RASSF2: variants seen among roughly 807,000 people sequenced by gnomAD.
RASSF2 encodes Ras association domain family member 2.
RASSF2 carries 34 observed loss-of-function variants against 46.3 expected under a neutral mutation model. That is an observed-to-expected ratio of 0.73 (90% CI 0.56 to 0.98). The LOEUF is 0.98. RASSF2 is among the 50% of genes least tolerant of loss of function. The pLI, the probability that RASSF2 is intolerant of heterozygous loss-of-function variation, is 0.00. For synonymous variants in RASSF2, 158 were observed against 162.5 expected (o/e 0.97, Z 0.21); for missense variants, 364 against 431.2 (o/e 0.84, Z 1.38).
At chr20:4,784,473 TC>T in intron 11 of RASSF2, 131 bp from the exon 12 acceptor site, 1 of 735,992 alleles carries the variant, frequency 1.4e-6, no homozygotes, top group Admixed American at 2.3e-5. Context: ...CTCCTTTGCT[TC>T]CATTACTGAC....
chr20:4,822,621 C>A (rs1289202355), intron 1 of RASSF2, among the ~76,000 whole-genome samples: 1 of 152,252 alleles, frequency 6.6e-6, no homozygotes, highest in Non-Finnish European at 1.5e-5. Flanking sequence ...CAGAAGTAGC[C>A]GGGGCCGCCC....
chr20:4,792,718 G>C (rs989304729), intron 5 of RASSF2, 91 bp from the exon 6 acceptor site: 2 of 1,501,736 alleles, frequency 1.3e-6, no homozygotes, highest in African/African-American at 2.8e-5. Flanking sequence ...ACTCCTGAAA[G>C]GGGAGCACTT....
In RASSF2 at chr20:4,787,725, G is replaced by C. The variant is rs1266271957; in HGVS notation, c.721C>G (p.Pro241Ala). The change falls in exon 10 of 12, where the codon CCG becomes GCG. Residue 241 changes from proline (P) to alanine (A), a missense_variant. By Grantham distance (27) the Pro-to-Ala change is conservative. Transcript: ENST00000379400. ...EKQKLKATDY[P>A]LIARILQGPC... is the part of the protein sequence containing the mutation. ...CCCTGGAGGATTCGGGCAATCAGCG[G>C]GTAATCGGTGGCCTTCAGCTTCTGT... 1 of 1,614,140 alleles carries C rather than the reference G, an allele frequency of 6.2e-7. No homozygotes were observed. The highest frequency in any genetic ancestry group is 1.1e-5 in the South Asian group (1 of 91,078).
chr20:4,804,725 T>G (rs1350882947), intron 2 of RASSF2, among the ~76,000 whole-genome samples: 1 of 152,172 alleles, frequency 6.6e-6, no homozygotes, highest in African/African-American at 2.4e-5. Context: ...ATGTATAAAT[T>G]TACACATTCA....
intron 2 of RASSF2, among the ~76,000 whole-genome samples, chr20:4,801,355 G>A (rs984546824): frequency 2.0e-5 from 3 of 152,168 alleles, no homozygotes; most frequent in Non-Finnish European, 4.4e-5. Flanking sequence ...TGGTTCCAAG[G>A]ATGACTGATG....
At chr20:4,807,910 A>G (rs1242546613) in intron 2 of RASSF2, among the ~76,000 whole-genome samples, 6 of 152,188 alleles carry the variant, frequency 3.9e-5, no homozygotes, top group African/African-American at 1.4e-4. Context: ...AAACTTTCCA[A>G]CCACCTTCAC....
intron 2 of RASSF2, among the ~76,000 whole-genome samples, chr20:4,816,714 A>T (rs1928337406): frequency 6.6e-6 from 1 of 152,246 alleles, no homozygotes; most frequent in Admixed American, 6.5e-5. Flanking sequence ...CCACCCAGAG[A>T]TAATCACTAT....
chr20:4,816,881 A>T (rs778757463), intron 2 of RASSF2, among the ~76,000 whole-genome samples: 1 of 152,180 alleles, frequency 6.6e-6, no homozygotes, highest in Non-Finnish European at 1.5e-5. Flanking sequence ...AGGCGGGTGG[A>T]TCACCTGAGG....
chr20:4,790,389 C>G lies in RASSF2; in HGVS notation c.537+62G>C. On this transcript the variant is annotated intron_variant, in intron 7 of 11. Coordinates refer to ENST00000379400, the MANE Select transcript of RASSF2 (RefSeq NM_014737.3). The surrounding 1 kb of genome is among the most constrained non-coding windows in gnomAD (Gnocchi z 4.3). ...ACACCACCCACCATATGGCTGTAGC[C>G]CTGAGGTGGCATCTACCCAGGAAGA... is the stretch of plus-strand genomic sequence containing the variant. 7.2e-7 allele frequency: 1 copy of G among 1,394,116 alleles called. No individual in the cohort carries two copies. Among genetic ancestry groups the G allele is most frequent in the Non-Finnish European group, 9.4e-7 (1 of 1,068,000 alleles). The allele number at this position is 1,394,116 out of a possible 1,614,324, so 86.4% of individuals were successfully genotyped here.
rs1215018970 is a variant in RASSF2, at chr20:4,781,896, GTGTCTC to G, written c.*2371_*2376del. The G allele has an allele frequency of 6.6e-6, 1 of 152,222 alleles. No homozygotes were observed. Among genetic ancestry groups the G allele is most frequent in the Non-Finnish European group, 1.5e-5 (1 of 68,052 alleles). The allele number at this position is 152,222 out of a possible 1,614,324, so 9.4% of individuals were successfully genotyped here. ...AAAATCTGCTCCACACTGTGGCAAA[GTGTCTC>G]TGTTTCAACTGCTGCTATTTCAAAG... On this transcript the variant is annotated 3_prime_UTR_variant, in exon 12 of 12. Transcript: ENST00000379400.
chr20:4,807,029 A>G (rs1425389439), intron 2 of RASSF2, among the ~76,000 whole-genome samples: 7 of 152,356 alleles, frequency 4.6e-5, no homozygotes, highest in African/African-American at 1.2e-4. Context: ...TCTTAAAACT[A>G]TCTGGTTCTA....
rs1927873290 is a variant in RASSF2, at chr20:4,812,135, G to T, written c.-33+10194C>A. 6.6e-6 allele frequency among the ~76,000 whole-genome samples: 1 copy of T among 152,166 alleles called. No homozygotes were observed. The highest frequency in any genetic ancestry group is 1.5e-5 in the Non-Finnish European group (1 of 68,024). On this transcript the variant is annotated intron_variant, in intron 2 of 11. Coordinates refer to ENST00000379400, the MANE Select transcript of RASSF2 (RefSeq NM_014737.3). This position sits in a 1 kb window ranked among gnomAD's most constrained non-coding sequence, Gnocchi z 4.0. Reference sequence around the variant, plus strand: ...GGGGCCCTGCCAAGACCTAGAGATGGCAAGAGATGCCAGATCATGCTTCCC... The same window carrying T: ...GGGGCCCTGCCAAGACCTAGAGATGTCAAGAGATGCCAGATCATGCTTCCC...
rs766758814 is a variant in RASSF2 at position 4,795,925 on chromosome 20, G to T, written c.177C>A (p.Ser59=). 1.9e-6 allele frequency: 3 copies of T among 1,578,158 alleles called. No individual in the cohort carries two copies. Among genetic ancestry groups the T allele is most frequent in the East Asian group, 2.4e-5 (1 of 42,256 alleles). ...EFIVEGLLNI[S]WGLRRPIRLQ... ...GGCGAATGGGCCGGCGCAGGCCCCA[G>T]GAGATGTTCAGGAGCCCCTCCACAA... Residue 59 remains serine (S), a synonymous_variant, in exon 5 of 12, where the codon TCC becomes TCA. Transcript: ENST00000379400. This position sits in a 1 kb window ranked among gnomAD's most constrained non-coding sequence, Gnocchi z 4.0.
chr20:4,791,326 G>A (rs1925860074), intron 6 of RASSF2, among the ~76,000 whole-genome samples: 1 of 152,144 alleles, frequency 6.6e-6, no homozygotes. Flanking sequence ...AAGAGTTCTG[G>A]AGATGGATGG....
At chr20:4,807,577 C>T (rs1390550795) in intron 2 of RASSF2, among the ~76,000 whole-genome samples, 3 of 152,196 alleles carry the variant, frequency 2.0e-5, no homozygotes, top group Admixed American at 2.0e-4. Context: ...CATGACCCTA[C>T]TTTTTACTTA....
At chr20:4,805,040 G>A (rs896808312) in intron 2 of RASSF2, among the ~76,000 whole-genome samples, 8 of 152,096 alleles carry the variant, frequency 5.3e-5, no homozygotes, top group South Asian at 4.1e-4. Context: ...GGGGTGGCAC[G>A]AGCAGAACCC....
At chr20:4,820,164 A>G (rs1196103667) in intron 2 of RASSF2, among the ~76,000 whole-genome samples, 1 of 152,030 alleles carries the variant, frequency 6.6e-6, no homozygotes, top group Non-Finnish European at 1.5e-5. Flanking sequence ...AATAAATGAA[A>G]CCAGCCGTGA....
chr20:4,801,156 G>A (rs76466846), intron 2 of RASSF2, 94 bp from the exon 3 acceptor site: 6 of 873,088 alleles, frequency 6.9e-6, no homozygotes, highest in Admixed American at 2.1e-5. Context: ...AAAATTGGAC[G>A]CCATGGCTCT....
Position 4,790,387 on chromosome 20 carries a change from G to T in RASSF2, c.537+64C>A. ...CCACACCACCCACCATATGGCTGTAGCCCTGAGGTGGCATCTACCCAGGAA... is the reference window on the plus strand; with the variant it reads ...CCACACCACCCACCATATGGCTGTATCCCTGAGGTGGCATCTACCCAGGAA... On this transcript the variant is annotated intron_variant, in intron 7 of 11. Coordinates refer to ENST00000379400, the MANE Select transcript of RASSF2 (RefSeq NM_014737.3). The surrounding 1 kb of genome is among the most constrained non-coding windows in gnomAD (Gnocchi z 4.3). 1 of 1,388,392 alleles carries T rather than the reference G, an allele frequency of 7.2e-7. No homozygotes were observed. The highest frequency in any genetic ancestry group is 9.4e-7 in the Non-Finnish European group (1 of 1,063,260). 86.0% of individuals were successfully genotyped at this position (1,388,392 alleles called of 1,614,324 possible). A position where few individuals can be genotyped will look rare whatever the true frequency, so the allele number is the denominator to read the frequency against.
Sources: gnomAD v4.1 joint callset for allele counts (sites outside exome capture counted in the v4.1 genomes callset) on GRCh38, gnomAD v4.1.1 for gene constraint, Gnocchi (gnomAD v3.1) non-coding constraint, MANE v1.5 for transcripts, NCBI Gene and HGNC (gene_info 2026-07-23, HGNC 2026-07-21) for gene names.